Variants in GRM1 observed in about 807,000 individuals in gnomAD.
The protein encoded by GRM1 is metabotropic glutamate receptor 1.
In GRM1, 33 loss-of-function variants were observed where a neutral mutation model predicts 90.9. The ratio of observed to expected loss-of-function variants is 0.36; its 90% CI spans 0.28 to 0.49. The LOEUF is 0.49. GRM1 is among the 20% of genes least tolerant of loss of function. The pLI, the probability that GRM1 is intolerant of heterozygous loss-of-function variation, is 0.99. For synonymous variants in GRM1, 700 were observed against 613.2 expected, an observed-to-expected ratio of 1.14 and a Z score of -2.09; for missense variants, 1,190 against 1,534.3, an observed-to-expected ratio of 0.78 and a Z score of 3.75.
chr6:146,270,148 A>G (rs150139446), intron 2 of GRM1, among the ~76,000 whole-genome samples: 1 of 152,270 alleles, frequency 6.6e-6, no homozygotes, highest in East Asian at 1.9e-4. Context: ...TTTTTCCTTA[A>G]CAGTGCATAT....
chr6:146,181,330 A>G (rs1434869298), intron 2 of GRM1, among the ~76,000 whole-genome samples: 1 of 152,162 alleles, frequency 6.6e-6, no homozygotes, highest in African/African-American at 2.4e-5. Flanking sequence ...CTGAATAAGG[A>G]AGTCTTTGTG....
At chr6:146,166,432 C>T (rs1352076175) in intron 2 of GRM1, among the ~76,000 whole-genome samples, 2 of 152,156 alleles carry the variant, frequency 1.3e-5, no homozygotes, top group African/African-American at 2.4e-5. Context: ...GTCCATTATT[C>T]TACCATTTCA....
At chr6:146,280,287 G>A (rs1782520396) in intron 2 of GRM1, among the ~76,000 whole-genome samples, 1 of 152,050 alleles carries the variant, frequency 6.6e-6, no homozygotes, top group African/African-American at 2.4e-5. Flanking sequence ...AGTGATCATA[G>A]CCCTGAGTTA....
chr6:146,346,560 G>C (rs1048084908), intron 3 of GRM1, among the ~76,000 whole-genome samples: 1 of 152,166 alleles, frequency 6.6e-6, no homozygotes, highest in African/African-American at 2.4e-5. Context: ...CACAGGCAAG[G>C]CTAGACAGTT....
chr6:146,269,197 A>G (rs1782023550), intron 2 of GRM1, among the ~76,000 whole-genome samples: 1 of 152,208 alleles, frequency 6.6e-6, no homozygotes, highest in African/African-American at 2.4e-5. Flanking sequence ...TAGCATTATA[A>G]TTTTATCAAT....
chr6:146,364,187 T>C (rs192411102), intron 5 of GRM1, among the ~76,000 whole-genome samples: 1 of 152,330 alleles, frequency 6.6e-6, no homozygotes, highest in East Asian at 1.9e-4. Flanking sequence ...GTATTTCCTT[T>C]TACCTCTAGC....
chr6:146,088,138 G>C (rs1211213007), intron 1 of GRM1, among the ~76,000 whole-genome samples: 1 of 152,036 alleles, frequency 6.6e-6, no homozygotes, highest in Non-Finnish European at 1.5e-5. Context: ...ATTCTGATAT[G>C]TGTACTAATA....
intron 3 of GRM1, among the ~76,000 whole-genome samples, chr6:146,345,956 A>G (rs542273321): frequency 1.3e-5 from 2 of 152,340 alleles, no homozygotes; most frequent in African/African-American, 4.8e-5. Flanking sequence ...TTACTCCACA[A>G]CACTGTTTTG....
intron 2 of GRM1, among the ~76,000 whole-genome samples, chr6:146,184,313 C>T (rs749212719): frequency 2.7e-4 from 41 of 152,122 alleles, no homozygotes; most frequent in Admixed American, 4.6e-4. Context: ...TCTCCAACTT[C>T]CCAAACATGT....
At chr6:146,205,525 A>C (rs1779465290) in intron 2 of GRM1, among the ~76,000 whole-genome samples, 1 of 152,116 alleles carries the variant, frequency 6.6e-6, no homozygotes, top group African/African-American at 2.4e-5. Context: ...GATCCTGGTG[A>C]ATTATTATGC....
intron 7 of GRM1, among the ~76,000 whole-genome samples, chr6:146,420,078 C>T (rs192835256): frequency 3.9e-5 from 6 of 152,300 alleles, no homozygotes; most frequent in African/African-American, 1.4e-4. Flanking sequence ...TGATGTCTGC[C>T]ATTGGGTGGG....
chr6:146,403,247 T>C (rs1433060246), intron 7 of GRM1, among the ~76,000 whole-genome samples: 1 of 152,106 alleles, frequency 6.6e-6, no homozygotes, highest in Non-Finnish European at 1.5e-5. Context: ...CTTTAAAAAG[T>C]AATTACATCA....
chr6:146,331,033 A>G (rs1257969133), intron 3 of GRM1, among the ~76,000 whole-genome samples: 3 of 152,180 alleles, frequency 2.0e-5, no homozygotes. Context: ...GGAAGCACAT[A>G]CTATACACGA....
At chr6:146,071,411 C>T (rs1303101777) in intron 1 of GRM1, among the ~76,000 whole-genome samples, 1 of 152,114 alleles carries the variant, frequency 6.6e-6, no homozygotes, top group Non-Finnish European at 1.5e-5. Context: ...AAATGGATCT[C>T]CTGTTATCAA....
intron 1 of GRM1, among the ~76,000 whole-genome samples, chr6:146,060,347 C>T (rs754891031): frequency 4.6e-5 from 7 of 151,898 alleles, no homozygotes; most frequent in Non-Finnish European, 8.8e-5. Flanking sequence ...TTTCATTGCC[C>T]GGGTAATAAG....
At chr6:146,129,727 T>G (rs1176468944) in intron 1 of GRM1, among the ~76,000 whole-genome samples, 1 of 152,112 alleles carries the variant, frequency 6.6e-6, no homozygotes, top group Non-Finnish European at 1.5e-5. Flanking sequence ...TTTTGCGTGG[T>G]CATTATTAGG....
chr6:146,275,080 A>G (rs1453350316), intron 2 of GRM1, among the ~76,000 whole-genome samples: 4 of 152,208 alleles, frequency 2.6e-5, no homozygotes, highest in African/African-American at 9.6e-5. Flanking sequence ...GCACTTGGCC[A>G]AAAAATGTCT....
At chr6:146,064,386 T>C (rs1011722566) in intron 1 of GRM1, among the ~76,000 whole-genome samples, 16 of 152,212 alleles carry the variant, frequency 1.1e-4, no homozygotes, top group African/African-American at 3.6e-4. Flanking sequence ...AACTTAAAAT[T>C]ATTTCATAAA....
At chr6:146,278,990 C>T (rs1190167896) in intron 2 of GRM1, among the ~76,000 whole-genome samples, 1 of 152,110 alleles carries the variant, frequency 6.6e-6, no homozygotes, top group East Asian at 1.9e-4. Context: ...CAGGCGTGAG[C>T]GACCGCGTCC....
Sources: allele counts gnomAD v4.1 joint callset (sites outside exome capture counted in the v4.1 genomes callset), GRCh38; gene constraint gnomAD v4.1.1; transcripts MANE v1.5; gene names NCBI Gene and HGNC (gene_info 2026-07-23, HGNC 2026-07-21).